Variants in SLC4A10 observed in about 807,000 individuals in gnomAD.
SLC4A10 encodes sodium-driven chloride bicarbonate exchanger.
Under a neutral mutation model 137.7 loss-of-function variants are expected in SLC4A10, and 42 were observed. The ratio of observed to expected loss-of-function variants is 0.30; its 90% CI spans 0.24 to 0.39. SLC4A10 has a LOEUF of 0.39. SLC4A10 is among the 10% of genes least tolerant of loss of function. The pLI is 1.00. For synonymous variants in SLC4A10, 474 were observed against 464.1 expected (o/e 1.02, Z -0.27); for missense variants, 925 against 1,355.0 (o/e 0.68, Z 4.98).
chr2:161,761,187 A>G lies in SLC4A10; in HGVS notation c.49-9786A>G, dbSNP rs375434646. Among the ~76,000 whole-genome samples, 14 of 152,164 alleles carry G rather than the reference A, an allele frequency of 9.2e-5. No homozygotes were observed. The East Asian group carries it at 1.4e-3, about 15-fold the overall frequency. On this transcript the variant is annotated intron_variant, in intron 1 of 26. Transcript: ENST00000446997. The stretch of plus-strand genomic sequence containing the variant: ...ATGTTATGTGGCTGCACACACATAC[A>G]AACTGTTAGTCTCTATATAGCACTG...
intron 1 of SLC4A10, among the ~76,000 whole-genome samples, chr2:161,728,851 T>C (rs551383091): frequency 1.1e-4 from 17 of 152,330 alleles, no homozygotes; most frequent in African/African-American, 4.1e-4. Flanking sequence ...AAAAGACTAA[T>C]ATATTGTGAC....
chr2:161,791,251 T>C lies in SLC4A10; in HGVS notation c.131-13198T>C, dbSNP rs1458327888. Among the ~76,000 whole-genome samples the C allele has an allele frequency of 3.3e-5, 5 of 151,918 alleles. No individual in the cohort carries two copies. In the East Asian group the frequency reaches 7.7e-4, roughly 23 times the overall value. ...TCAGTGATAGACTGGATAAAGAAAATGTTGCACATGTATACCCTGAAATGC... is the reference window on the plus strand; with the variant it reads ...TCAGTGATAGACTGGATAAAGAAAACGTTGCACATGTATACCCTGAAATGC... On this transcript the variant is annotated intron_variant, in intron 2 of 26. Transcript: ENST00000446997.
At chr2:161,983,137 C>T (rs1336190952) in intron 26 of SLC4A10, 42 bp from the exon 27 acceptor site, 1 of 1,516,122 alleles carries the variant, frequency 6.6e-7, no homozygotes, top group South Asian at 1.2e-5. Context: ...AGTAGCCATG[C>T]TGGATTGCAG....
At chr2:161,658,596 C>CTTTTTTTTTTTTT (rs35686377) in intron 1 of SLC4A10, among the ~76,000 whole-genome samples, 1 of 128,402 alleles carries the variant, frequency 7.8e-6, no homozygotes, top group Non-Finnish European at 1.6e-5. Context: ...AAATAGTTTC[C>CTTTTTTTTTTTTT]TTTTTTTTTT....
At chr2:161,788,683 G>A (rs1467055514) in intron 2 of SLC4A10, among the ~76,000 whole-genome samples, 2 of 152,168 alleles carry the variant, frequency 1.3e-5, no homozygotes, top group Non-Finnish European at 2.9e-5. Flanking sequence ...ACCAAAATGA[G>A]CTCAGGGCAG....
rs1421394486 is a variant in SLC4A10 at position 161,908,133 on chromosome 2, A to T, written c.1997+2246A>T. ...TGAGAAAAATGCAACCAATAGGCAA[A>T]AAATAAATAAATAAAAATAAGAAAG... On this transcript the variant is annotated intron_variant, in intron 15 of 26. Transcript: ENST00000446997. Among the ~76,000 whole-genome samples the T allele has an allele frequency of 1.3e-5, 2 of 152,114 alleles. 1 individual carries two copies. The highest frequency in any genetic ancestry group is 3.8e-4 in the East Asian group (2 of 5,196).
intron 15 of SLC4A10, among the ~76,000 whole-genome samples, chr2:161,906,866 A>G (rs982949221): frequency 6.6e-6 from 1 of 152,046 alleles, no homozygotes; most frequent in African/African-American, 2.4e-5. Flanking sequence ...CATCCTGGCT[A>G]ACACAGTGAA....
intron 1 of SLC4A10, among the ~76,000 whole-genome samples, chr2:161,725,853 A>G (rs2046165697): frequency 6.6e-6 from 1 of 152,214 alleles, no homozygotes; most frequent in Non-Finnish European, 1.5e-5. Flanking sequence ...GTTTTAGCAT[A>G]AGTTAGTGGG....
chr2:161,793,544 G>A (rs565823833), intron 2 of SLC4A10, among the ~76,000 whole-genome samples: 13 of 149,584 alleles, frequency 8.7e-5, no homozygotes, highest in African/African-American at 3.2e-4. Flanking sequence ...GTCATTCCTA[G>A]TGCCCACAGT....
At chr2:161,793,497 G>A (rs1574995443) in intron 2 of SLC4A10, among the ~76,000 whole-genome samples, 1 of 132,344 alleles carries the variant, frequency 7.6e-6, no homozygotes, top group Non-Finnish European at 1.6e-5. Flanking sequence ...CTATGTGTTT[G>A]CCTCCTCGTT....
intron 25 of SLC4A10, 60 bp from the exon 26 acceptor site, chr2:161,977,661 AT>A (rs1699596841): frequency 2.1e-6 from 3 of 1,461,486 alleles, no homozygotes; most frequent in South Asian, 2.6e-5. Flanking sequence ...AAGTTCCTTT[AT>A]TTTCGTAACC....
chr2:161,736,764 A>C (rs2125219936), intron 1 of SLC4A10, among the ~76,000 whole-genome samples: 1 of 152,302 alleles, frequency 6.6e-6, no homozygotes, highest in South Asian at 2.1e-4. Flanking sequence ...AAACCATATC[A>C]GACTTGTTAT....
At chr2:161,690,962 TA>T (rs909156829) in intron 1 of SLC4A10, among the ~76,000 whole-genome samples, 76 of 151,542 alleles carry the variant, frequency 5.0e-4, no homozygotes, top group Non-Finnish European at 9.0e-4. Flanking sequence ...AATATTAAAT[TA>T]AAAAAAAGAA....
chr2:161,768,101 TCTAA>T (rs1450615717), intron 1 of SLC4A10, among the ~76,000 whole-genome samples: 1 of 152,008 alleles, frequency 6.6e-6, no homozygotes, highest in Non-Finnish European at 1.5e-5. Context: ...TAGGCAAAGG[TCTAA>T]CTGACTTGAA....
At chr2:161,916,409 CTT>C (rs1687127994) in intron 15 of SLC4A10, among the ~76,000 whole-genome samples, 1 of 152,194 alleles carries the variant, frequency 6.6e-6, no homozygotes, top group Admixed American at 6.5e-5. Context: ...TCTGTAAACT[CTT>C]GTCTAGATTA....
intron 1 of SLC4A10, among the ~76,000 whole-genome samples, chr2:161,674,250 A>G (rs2040045866): frequency 1.3e-5 from 2 of 152,164 alleles, no homozygotes; most frequent in South Asian, 4.1e-4. Flanking sequence ...AAATATCTTA[A>G]TCTCTCTGAA....
chr2:161,676,125 A>G lies in SLC4A10; in HGVS notation c.48+51559A>G, dbSNP rs2105819281. Among the ~76,000 whole-genome samples, 2 of 152,300 alleles carry G rather than the reference A, an allele frequency of 1.3e-5. 1 individual carries two copies. ...TAAACACTTTGTGGGTATGCCTTGT[A>G]TACTTACGTGGGCAGAGAGCTGTCA... On this transcript the variant is annotated intron_variant, in intron 1 of 26. Coordinates refer to ENST00000446997, the MANE Select transcript of SLC4A10 (RefSeq NM_001178015.2).
At chr2:161,956,547 A>G (rs1221114882) in intron 19 of SLC4A10, among the ~76,000 whole-genome samples, 1 of 152,046 alleles carries the variant, frequency 6.6e-6, no homozygotes, top group Non-Finnish European at 1.5e-5. Flanking sequence ...CAGTTTTCAC[A>G]CACCCCATTG....
intron 5 of SLC4A10, among the ~76,000 whole-genome samples, chr2:161,856,288 G>T (rs557887971): frequency 8.0e-4 from 122 of 151,634 alleles, no homozygotes; most frequent in Middle Eastern, 3.4e-3. Context: ...TGCAGTATGT[G>T]TGAAAAGAAA....
Sources: allele counts gnomAD v4.1 joint callset (sites outside exome capture counted in the v4.1 genomes callset), GRCh38; gene constraint gnomAD v4.1.1; transcripts MANE v1.5; gene names NCBI Gene and HGNC (gene_info 2026-07-23, HGNC 2026-07-21).